The following SCN3A variants were observed in gnomAD, a reference collection of about 807,000 sequenced individuals.
SCN3A encodes sodium voltage-gated channel alpha subunit 3.
SCN3A carries 60 observed loss-of-function variants against 187.6 expected under a neutral mutation model. The observed-to-expected ratio is 0.32, with a 90% CI of 0.26 to 0.40. The LOEUF (loss-of-function observed/expected upper bound fraction) is 0.40, where lower values mean the gene tolerates loss of function less well. Ranked by LOEUF, SCN3A falls within the 10% of genes least tolerant of loss-of-function variation. The pLI, the probability that SCN3A is intolerant of heterozygous loss-of-function variation, is 1.00. For missense variants in SCN3A, 1,601 were observed against 2,428.2 expected (o/e 0.66, Z 7.16); for synonymous variants, 788 against 829.2 (o/e 0.95, Z 0.85).
intron 1 of SCN3A, among the ~76,000 whole-genome samples, chr2:165,187,059 C>G (rs991840523): frequency 6.6e-6 from 1 of 152,088 alleles, no homozygotes; most frequent in African/African-American, 2.4e-5. Flanking sequence ...CTGTTCTTCC[C>G]TCTTGCTTCC....
intron 9 of SCN3A, among the ~76,000 whole-genome samples, chr2:165,157,680 T>G (rs909455768): frequency 2.6e-5 from 4 of 152,230 alleles, no homozygotes; most frequent in African/African-American, 9.6e-5. Context: ...AGTTATGATC[T>G]TAAGTATATA....
intron 1 of SCN3A, among the ~76,000 whole-genome samples, chr2:165,188,785 G>C (rs918797113): frequency 1.7e-5 from 2 of 115,430 alleles, no homozygotes; most frequent in African/African-American, 7.0e-5. Flanking sequence ...GACAGAGCAA[G>C]ATTCCATCCG....
intron 11 of SCN3A, among the ~76,000 whole-genome samples, chr2:165,152,665 T>G (rs2105853467): frequency 6.6e-6 from 1 of 152,300 alleles, no homozygotes; most frequent in South Asian, 2.1e-4. Flanking sequence ...TCCACAATGG[T>G]TGAACTAGTT....
chr2:165,090,365 CTT>C lies in SCN3A; in HGVS notation c.5786_5787del (p.Lys1929ArgfsTer4), dbSNP rs1449791314. On this transcript the variant is annotated frameshift_variant, in exon 28 of 28. Transcript: ENST00000283254. LOFTEE classifies it high-confidence loss of function. The surrounding 1 kb of genome is among the most constrained non-coding windows in gnomAD (Gnocchi z 4.0). ...RLKNISSNYNKEAIKGRIDLP... is the reference protein window; with the variant it reads ...RLKNISSNYNXEAIKGRIDLP... ...AAGTCAATCCTCCCTTTAATTGCCT[CTT>C]TGTTATAGTTACTTGATATATTTTT... 2 of 1,612,904 alleles carry C rather than the reference CTT, an allele frequency of 1.2e-6. No individual in the cohort carries two copies.
intron 5 of SCN3A, among the ~76,000 whole-genome samples, chr2:165,166,472 A>G (rs1055448647): frequency 6.6e-6 from 1 of 152,186 alleles, no homozygotes; most frequent in African/African-American, 2.4e-5. Flanking sequence ...TTAATTGTTG[A>G]ATTTTCATAT....
At chr2:165,161,988 T>G (rs763484419) in intron 9 of SCN3A, among the ~76,000 whole-genome samples, 1 of 152,236 alleles carries the variant, frequency 6.6e-6, no homozygotes, top group Non-Finnish European at 1.5e-5. Flanking sequence ...GCCCATCTTG[T>G]GTTCCTGTGT....
At chr2:165,197,248 T>C (rs1462668534) in intron 1 of SCN3A, among the ~76,000 whole-genome samples, 1 of 152,158 alleles carries the variant, frequency 6.6e-6, no homozygotes, top group Non-Finnish European at 1.5e-5. Context: ...GAAATTATTT[T>C]GAAAAGCGTT....
intron 22 of SCN3A, among the ~76,000 whole-genome samples, chr2:165,098,437 C>G (rs992436561): frequency 2.0e-5 from 3 of 152,104 alleles, no homozygotes; most frequent in African/African-American, 7.2e-5. Context: ...AACCAGAAAT[C>G]CAAAATTGTA....
At chr2:165,097,944 A>T (rs1337879409) in intron 22 of SCN3A, among the ~76,000 whole-genome samples, 1 of 152,242 alleles carries the variant, frequency 6.6e-6, no homozygotes, top group Non-Finnish European at 1.5e-5. Context: ...TTGCAAATAA[A>T]CAAAGTATTA....
intron 5 of SCN3A, among the ~76,000 whole-genome samples, chr2:165,164,868 G>A (rs1399559018): frequency 6.6e-6 from 1 of 152,100 alleles, no homozygotes; most frequent in African/African-American, 2.4e-5. Flanking sequence ...CAAATTCCTA[G>A]TAGCAAGCGA....
Position 165,093,670 on chromosome 2 carries a change from T to C in SCN3A, c.4536+704A>G, listed in dbSNP as rs1386606126. ...TTACCCTGCTCCCTCACATTCCAGC[T>C]CCAACTACTCTTATAAATATGGTAA... On this transcript the variant is annotated intron_variant, in intron 26 of 27. Coordinates refer to ENST00000283254, the MANE Select transcript of SCN3A (RefSeq NM_006922.4). 2.0e-5 allele frequency: 3 copies of C among 152,230 alleles called. No homozygotes were observed. In the East Asian group the frequency reaches 5.8e-4, roughly 29 times the overall value. The allele number at this position is 152,230 out of a possible 1,614,324, so 9.4% of individuals were successfully genotyped here. A position where few individuals can be genotyped will look rare whatever the true frequency, so the allele number is the denominator to read the frequency against.
In SCN3A at chr2:165,088,289, C is replaced by CA. The variant is rs749380634; in HGVS notation, c.*1860dup. 2 of 152,134 alleles carry CA rather than the reference C, an allele frequency of 1.3e-5. No homozygotes were observed. The highest frequency in any genetic ancestry group is 2.9e-5 in the Non-Finnish European group (2 of 67,852). 9.4% of individuals were successfully genotyped at this position (152,134 alleles called of 1,614,324 possible). A position where few individuals can be genotyped will look rare whatever the true frequency, so the allele number is the denominator to read the frequency against. ...ATTAACATTAAACTTTTGGTTTGTGCAAAAAACAAAAATTTATATCATGTT... is the reference window on the plus strand; with the variant it reads ...ATTAACATTAAACTTTTGGTTTGTGCAAAAAAACAAAAATTTATATCATGTT... On this transcript the variant is annotated 3_prime_UTR_variant, in exon 28 of 28. Transcript: ENST00000283254.
At chr2:165,103,874 T>C (rs1685725839) in intron 21 of SCN3A, among the ~76,000 whole-genome samples, 1 of 152,186 alleles carries the variant, frequency 6.6e-6, no homozygotes, top group South Asian at 2.1e-4. Flanking sequence ...TTTTTGATGA[T>C]GAGATCCATA....
chr2:165,188,804 C>CAAAAAA (rs763003775), intron 1 of SCN3A, among the ~76,000 whole-genome samples: 11 of 72,526 alleles, frequency 1.5e-4, no homozygotes, highest in East Asian at 3.1e-4. Context: ...CGCCCCACTT[C>CAAAAAA]AAAAAAAAAA....
At chr2:165,187,978 T>C (rs1301114939) in intron 1 of SCN3A, among the ~76,000 whole-genome samples, 1 of 152,248 alleles carries the variant, frequency 6.6e-6, no homozygotes, top group African/African-American at 2.4e-5. Context: ...AAGTTTTAAA[T>C]ACTTTGACCT....
intron 21 of SCN3A, among the ~76,000 whole-genome samples, chr2:165,103,480 A>G (rs1352964204): frequency 6.6e-6 from 1 of 152,210 alleles, no homozygotes; most frequent in Non-Finnish European, 1.5e-5. Context: ...CAATGTGTGC[A>G]AAGTATGAGA....
At chr2:165,121,064 A>AT (rs201334727) in intron 18 of SCN3A, among the ~76,000 whole-genome samples, 7,668 of 146,666 alleles carry the variant, frequency 0.052, 874 homozygotes, top group East Asian at 0.41. Context: ...ACCAGCTTTA[A>AT]TTTTTTTTTT....
At chr2:165,105,132 T>C (rs1242292047) in intron 21 of SCN3A, among the ~76,000 whole-genome samples, 3 of 152,094 alleles carry the variant, frequency 2.0e-5, no homozygotes, top group African/African-American at 7.2e-5. Context: ...CAGAACTGAT[T>C]AAAATTTTGT....
intron 1 of SCN3A, among the ~76,000 whole-genome samples, chr2:165,196,826 A>G (rs1045108828): frequency 1.3e-5 from 2 of 152,156 alleles, no homozygotes; most frequent in South Asian, 2.1e-4. Context: ...ATTAAAAATC[A>G]AAGTGTTTTG....
Sources: gnomAD v4.1 joint callset for allele counts (sites outside exome capture counted in the v4.1 genomes callset) on GRCh38, gnomAD v4.1.1 for gene constraint, Gnocchi (gnomAD v3.1) non-coding constraint, MANE v1.5 for transcripts, NCBI Gene and HGNC (gene_info 2026-07-23, HGNC 2026-07-21) for gene names.